ADCK1: variants seen among roughly 807,000 people sequenced by gnomAD.
ADCK1 encodes aarF domain containing kinase 1, also known as aarF domain-containing protein kinase 1.
Under a neutral mutation model 52.3 loss-of-function variants are expected in ADCK1, and 41 were observed. That is an observed-to-expected ratio of 0.78 (90% CI 0.61 to 1.02). The LOEUF (loss-of-function observed/expected upper bound fraction) is 1.02, where lower values mean the gene tolerates loss of function less well. ADCK1 is among the 50% of genes least tolerant of loss of function. The probability of loss-of-function intolerance (pLI) is 0.00; values close to 1 mark genes in which losing one functional copy is unlikely to be tolerated. For synonymous variants in ADCK1, 250 were observed against 274.6 expected, an observed-to-expected ratio of 0.91 and a Z score of 0.89; for missense variants, 658 against 679.5, an observed-to-expected ratio of 0.97 and a Z score of 0.35.
rs1224014247 is a variant in ADCK1 at position 77,915,620 on chromosome 14, T to TGAAACTGGAAACCAGTTTCTCATG, written c.858+7715_858+7716insGTTTCTCATGGAAACTGGAAACCA. On this transcript the variant is annotated intron_variant, in intron 7 of 10. Coordinates refer to ENST00000238561, the MANE Select transcript of ADCK1 (RefSeq NM_020421.4). ...TTCACGTCCTTTGTAGGGACATGGA[T>TGAAACTGGAAACCAGTTTCTCATG]GAAACTGGAAACCAACATTCTCAGC... 5.9e-5 allele frequency among the ~76,000 whole-genome samples: 9 copies of TGAAACTGGAAACCAGTTTCTCATG among 152,262 alleles called. No homozygotes were observed. In the East Asian group the frequency reaches 1.2e-3, roughly 20 times the overall value.
intron 3 of ADCK1, among the ~76,000 whole-genome samples, chr14:77,838,665 T>A (rs1237917477): frequency 1.3e-5 from 2 of 152,228 alleles, no homozygotes; most frequent in African/African-American, 4.8e-5. Flanking sequence ...ACCAAGCTGC[T>A]GGGATTACAC....
At chr14:77,929,179 A>T (rs2084265755) in intron 9 of ADCK1, among the ~76,000 whole-genome samples, 1 of 152,200 alleles carries the variant, frequency 6.6e-6, no homozygotes, top group Non-Finnish European at 1.5e-5. Context: ...CTCATTGAGG[A>T]TTAGGGGAAC....
At chr14:77,900,428 A>G (rs2083508882) in intron 6 of ADCK1, 1 of 316,092 alleles carries the variant, frequency 3.2e-6, no homozygotes, top group Non-Finnish European at 6.2e-6. Context: ...CTCTACTAAA[A>G]ATACAAAAAG....
At chr14:77,917,055 C>T (rs1461740239) in intron 7 of ADCK1, among the ~76,000 whole-genome samples, 1 of 152,106 alleles carries the variant, frequency 6.6e-6, no homozygotes, top group African/African-American at 2.4e-5. Flanking sequence ...TAGTGAGACC[C>T]TGTCTCTACA....
At chr14:77,874,794 G>A (rs1209518904) in intron 4 of ADCK1, among the ~76,000 whole-genome samples, 1 of 152,148 alleles carries the variant, frequency 6.6e-6, no homozygotes, top group Non-Finnish European at 1.5e-5. Flanking sequence ...AAATGTGTGA[G>A]GAGAAAAATA....
intron 4 of ADCK1, among the ~76,000 whole-genome samples, chr14:77,863,100 G>A (rs1419673621): frequency 6.6e-6 from 1 of 152,236 alleles, no homozygotes; most frequent in Non-Finnish European, 1.5e-5. Flanking sequence ...GTGAATAGTG[G>A]AGCAGAGGTT....
intron 4 of ADCK1, among the ~76,000 whole-genome samples, chr14:77,875,901 G>A (rs1213102619): frequency 6.6e-6 from 1 of 152,114 alleles, no homozygotes; most frequent in African/African-American, 2.4e-5. Flanking sequence ...ACATCTTGGG[G>A]TTCACACTTG....
At chr14:77,924,707 C>G (rs1395214108) in intron 8 of ADCK1, 101 bp downstream of exon 8, 36 of 1,462,254 alleles carry the variant, frequency 2.5e-5, no homozygotes, top group Non-Finnish European at 3.2e-5. Context: ...GCGAGGGTAG[C>G]TGGAAAGGAC....
chr14:77,876,430 C>T (rs754142564), intron 4 of ADCK1, among the ~76,000 whole-genome samples: 11 of 152,252 alleles, frequency 7.2e-5, no homozygotes, highest in Non-Finnish European at 1.3e-4. Flanking sequence ...GGATAATCCA[C>T]GTTCATCTTT....
intron 3 of ADCK1, among the ~76,000 whole-genome samples, chr14:77,855,235 T>C (rs960903532): frequency 1.3e-5 from 2 of 152,260 alleles, no homozygotes; most frequent in African/African-American, 4.8e-5. Context: ...TGTCTTACCA[T>C]GCGTGATTGA....
intron 6 of ADCK1, among the ~76,000 whole-genome samples, chr14:77,901,045 CTTTT>C (rs34756369): frequency 1.5e-5 from 2 of 134,112 alleles, no homozygotes; most frequent in Admixed American, 7.6e-5. Context: ...AGTTGGTGTT[CTTTT>C]TTTTTTTTTT....
intron 3 of ADCK1, among the ~76,000 whole-genome samples, chr14:77,854,555 CTTTTTTT>C (rs60062127): frequency 7.0e-5 from 9 of 128,584 alleles, no homozygotes; most frequent in East Asian, 2.2e-4. Context: ...TCGGAGTGGG[CTTTTTTT>C]TTTTTTTTTT....
intron 3 of ADCK1, among the ~76,000 whole-genome samples, chr14:77,847,296 C>T (rs750250333): frequency 2.6e-5 from 4 of 152,194 alleles, no homozygotes; most frequent in African/African-American, 7.2e-5. Context: ...CCAGGCTGGG[C>T]GCTGTGGCCT....
chr14:77,931,476 C>T (rs1360150919), intron 9 of ADCK1, 42 bp from the exon 10 acceptor site: 2 of 1,592,262 alleles, frequency 1.3e-6, no homozygotes, highest in Admixed American at 3.4e-5. Context: ...GCCCCACTGC[C>T]CATACCAACC....
At chr14:77,852,683 A>ATATATATATATTATATATATC (rs2082321902) in intron 3 of ADCK1, among the ~76,000 whole-genome samples, 1 of 84,026 alleles carries the variant, frequency 1.2e-5, no homozygotes, top group Non-Finnish European at 2.4e-5. Context: ...ATATATATAT[A>ATATATATATATTATATATATC]TATATATATA....
intron 8 of ADCK1, among the ~76,000 whole-genome samples, chr14:77,925,049 G>A (rs1004001395): frequency 5.3e-5 from 8 of 152,186 alleles, no homozygotes; most frequent in Non-Finnish European, 8.8e-5. Flanking sequence ...GTGTCCTCAG[G>A]ATGCAGATCT....
At chr14:77,891,605 C>T (rs751874301) in intron 5 of ADCK1, among the ~76,000 whole-genome samples, 1 of 152,198 alleles carries the variant, frequency 6.6e-6, no homozygotes, top group East Asian at 1.9e-4. Flanking sequence ...CACAGCCTGG[C>T]AGGCTGTGTG....
At chr14:77,868,902 A>G (rs1176489204) in intron 4 of ADCK1, among the ~76,000 whole-genome samples, 1 of 152,214 alleles carries the variant, frequency 6.6e-6, no homozygotes, top group Non-Finnish European at 1.5e-5. Context: ...AACCGTGCAC[A>G]GAGGGAGTAA....
intron 5 of ADCK1, among the ~76,000 whole-genome samples, chr14:77,897,015 T>G (rs1246749183): frequency 6.6e-6 from 1 of 152,140 alleles, no homozygotes; most frequent in East Asian, 1.9e-4. Context: ...AACACAGCAT[T>G]GGGCAAAATA....
Sources: gnomAD v4.1 joint callset for allele counts (sites outside exome capture counted in the v4.1 genomes callset) on GRCh38, gnomAD v4.1.1 for gene constraint, MANE v1.5 for transcripts, NCBI Gene and HGNC (gene_info 2026-07-23, HGNC 2026-07-21) for gene names.